The following ATP11B variants were observed in gnomAD, a reference collection of about 807,000 sequenced individuals.
ATP11B encodes ATPase phospholipid transporting 11B (putative).
Under a neutral mutation model 157.8 loss-of-function variants are expected in ATP11B, and 81 were observed. That is an observed-to-expected ratio of 0.51 (90% CI 0.43 to 0.62). The LOEUF is 0.62. ATP11B is among the 20% of genes least tolerant of loss of function. The pLI, the probability that ATP11B is intolerant of heterozygous loss-of-function variation, is 0.00. For synonymous variants in ATP11B, 451 were observed against 469.4 expected, an observed-to-expected ratio of 0.96 and a Z score of 0.51; for missense variants, 1,165 against 1,402.2, an observed-to-expected ratio of 0.83 and a Z score of 2.70.
intron 23 of ATP11B, among the ~76,000 whole-genome samples, chr3:182,887,133 T>G (rs896928772): frequency 3.3e-5 from 5 of 152,322 alleles, no homozygotes; most frequent in South Asian, 2.1e-4. Flanking sequence ...TAAGCCATTG[T>G]GCAGAGTTTC....
At chr3:182,806,876 C>T (rs1171118474) in intron 1 of ATP11B, among the ~76,000 whole-genome samples, 1 of 152,078 alleles carries the variant, frequency 6.6e-6, no homozygotes, top group Admixed American at 6.6e-5. Context: ...TTGAACCTGA[C>T]TCTAGAACCA....
Position 182,918,642 on chromosome 3 carries a change from T to C in ATP11B, c.*538T>C. ...GTGACCTGTGTTGTTAATTCATTAATGCATTCTGAGTTCACAGAGCAAATT... is the reference window on the plus strand; with the variant it reads ...GTGACCTGTGTTGTTAATTCATTAACGCATTCTGAGTTCACAGAGCAAATT... On this transcript the variant is annotated 3_prime_UTR_variant, in exon 30 of 30. Coordinates refer to ENST00000323116, the MANE Select transcript of ATP11B (RefSeq NM_014616.3). 3.0e-6 allele frequency: 1 copy of C among 335,672 alleles called. No homozygotes were observed. 20.8% of individuals were successfully genotyped at this position (335,672 alleles called of 1,614,324 possible). A position where few individuals can be genotyped will look rare whatever the true frequency, so the allele number is the denominator to read the frequency against.
intron 11 of ATP11B, among the ~76,000 whole-genome samples, 173 bp downstream of exon 11, chr3:182,858,201 C>A (rs987103438): frequency 4.6e-5 from 7 of 152,184 alleles, no homozygotes; most frequent in Admixed American, 2.0e-4. Context: ...TGTACTGATA[C>A]GCTTTTTGTA....
At chr3:182,798,742 C>CT (rs1332817989) in intron 1 of ATP11B, among the ~76,000 whole-genome samples, 1 of 152,130 alleles carries the variant, frequency 6.6e-6, no homozygotes, top group Non-Finnish European at 1.5e-5. Flanking sequence ...TGTGTCTACT[C>CT]TGAATTGAGA....
chr3:182,921,353 T>A lies in ATP11B; in HGVS notation c.*3249T>A. On this transcript the variant is annotated 3_prime_UTR_variant, in exon 30 of 30. Transcript: ENST00000323116. ...AAAACACTATTAAAGTGCTGTTTTA[T>A]GTGAAATAACTTGAATGTTGTTCCT... The A allele has an allele frequency of 6.6e-6, 1 of 152,344 alleles. No individual in the cohort carries two copies. Among genetic ancestry groups the A allele is most frequent in the East Asian group, 1.9e-4 (1 of 5,194 alleles). The allele number at this position is 152,344 out of a possible 1,614,324, so 9.4% of individuals were successfully genotyped here. A position where few individuals can be genotyped will look rare whatever the true frequency, so the allele number is the denominator to read the frequency against.
At chr3:182,885,141 G>A (rs907299322) in intron 22 of ATP11B, among the ~76,000 whole-genome samples, 3 of 152,102 alleles carry the variant, frequency 2.0e-5, no homozygotes, top group African/African-American at 7.2e-5. Context: ...TCCTGAACCA[G>A]CAATAAGTTT....
At chr3:182,836,610 G>C (rs1171292562) in intron 6 of ATP11B, 140 bp downstream of exon 6, 2 of 1,022,806 alleles carry the variant, frequency 2.0e-6, no homozygotes, top group East Asian at 2.6e-5. Flanking sequence ...AAAATAAAAA[G>C]GTTTTAAGAA....
chr3:182,824,127 G>A (rs1185024136), intron 2 of ATP11B, among the ~76,000 whole-genome samples: 1 of 151,824 alleles, frequency 6.6e-6, no homozygotes, highest in Non-Finnish European at 1.5e-5. Context: ...TAATGCTTTT[G>A]GGGTTCATTT....
At chr3:182,875,083 T>TA (rs1195225811) in intron 19 of ATP11B, among the ~76,000 whole-genome samples, 1 of 152,222 alleles carries the variant, frequency 6.6e-6, no homozygotes, top group Non-Finnish European at 1.5e-5. Flanking sequence ...ATCTATCTTT[T>TA]ATAGGCATAT....
At chr3:182,876,641 G>A (rs939235594) in intron 19 of ATP11B, among the ~76,000 whole-genome samples, 1 of 152,184 alleles carries the variant, frequency 6.6e-6, no homozygotes, top group African/African-American at 2.4e-5. Context: ...CCTTATTGCT[G>A]CATCCTTCTG....
chr3:182,854,858 G>A (rs1448554183), intron 10 of ATP11B, among the ~76,000 whole-genome samples: 1 of 151,586 alleles, frequency 6.6e-6, no homozygotes, highest in Non-Finnish European at 1.5e-5. Context: ...GCAAAAGGTG[G>A]AAGGTAACCA....
In ATP11B at chr3:182,880,882, A is replaced by G. The variant is rs1722376654; in HGVS notation, c.2410A>G (p.Ile804Val). The G allele has an allele frequency of 6.3e-7, 1 of 1,577,044 alleles. No individual in the cohort carries two copies. The highest frequency in any genetic ancestry group is 1.2e-5 in the South Asian group (1 of 84,360). Residue 804 changes from isoleucine (I) to valine (V), a missense_variant, in exon 21 of 30, where the codon ATA becomes GTA. Physicochemically the swap from Ile to Val is conservative, Grantham distance 29 (BLOSUM62 3). Transcript: ENST00000323116. ...RMAPLQKAKV[I>V]RLIKISPEKP... ...ACCAATTCATTATGTCTTTCAGGTA[A>G]TAAGACTAATAAAAATATCACCTGA...
At chr3:182,845,758 A>G (rs760788784) in intron 9 of ATP11B, among the ~76,000 whole-genome samples, 34 of 152,222 alleles carry the variant, frequency 2.2e-4, no homozygotes, top group Non-Finnish European at 2.2e-4. Flanking sequence ...CTTTACGGAT[A>G]CTTGTGAAAC....
At chr3:182,901,025 C>T (rs935630977) in intron 28 of ATP11B, among the ~76,000 whole-genome samples, 6 of 151,528 alleles carry the variant, frequency 4.0e-5, no homozygotes, top group Admixed American at 2.6e-4. Context: ...ACTAAAAATA[C>T]AAAAAAAATT....
At chr3:182,910,567 C>G (rs1724705608) in intron 28 of ATP11B, among the ~76,000 whole-genome samples, 1 of 152,084 alleles carries the variant, frequency 6.6e-6, no homozygotes, top group African/African-American at 2.4e-5. Flanking sequence ...AGAGCAAGAC[C>G]CTGTCTCTAA....
intron 4 of ATP11B, 81 bp downstream of exon 4, chr3:182,829,833 T>C (rs1576983639): frequency 7.1e-7 from 1 of 1,414,692 alleles, no homozygotes; most frequent in Non-Finnish European, 9.5e-7. Context: ...GTAACATTTA[T>C]TGTTGTGAAA....
intron 28 of ATP11B, among the ~76,000 whole-genome samples, chr3:182,902,823 T>G (rs1391744033): frequency 2.0e-5 from 3 of 152,136 alleles, no homozygotes; most frequent in African/African-American, 7.2e-5. Flanking sequence ...TAATATATCT[T>G]TACACCTTAA....
intron 28 of ATP11B, chr3:182,905,739 A>G (rs1577109631): frequency 2.2e-6 from 1 of 456,386 alleles, no homozygotes. Flanking sequence ...AAACCTCTAT[A>G]TGGTGAAGAG....
intron 9 of ATP11B, among the ~76,000 whole-genome samples, chr3:182,847,335 G>C (rs1447449417): frequency 1.3e-5 from 2 of 152,068 alleles, no homozygotes; most frequent in Non-Finnish European, 2.9e-5. Flanking sequence ...CACTGCGCCC[G>C]GCCAACACAT....
Sources: allele counts gnomAD v4.1 joint callset (sites outside exome capture counted in the v4.1 genomes callset), GRCh38; gene constraint gnomAD v4.1.1; transcripts MANE v1.5; gene names NCBI Gene and HGNC (gene_info 2026-07-23, HGNC 2026-07-21).